FAT3: variants seen among roughly 807,000 people sequenced by gnomAD.
FAT3 encodes the protein protocadherin Fat 3.
In FAT3, 95 loss-of-function variants were observed where a neutral mutation model predicts 310.2. That is an observed-to-expected ratio of 0.31 (90% CI 0.26 to 0.36). FAT3 has a LOEUF of 0.36. FAT3 is among the 10% of genes least tolerant of loss of function. The pLI, the probability that FAT3 is intolerant of heterozygous loss-of-function variation, is 1.00. For synonymous variants in FAT3, 2,314 were observed against 2,192.9 expected, an observed-to-expected ratio of 1.06 and a Z score of -1.54; for missense variants, 5,408 against 5,715.6, an observed-to-expected ratio of 0.95 and a Z score of 1.74.
intron 3 of FAT3, among the ~76,000 whole-genome samples, chr11:92,608,468 G>C (rs1169554118): frequency 6.6e-6 from 1 of 151,996 alleles, no homozygotes; most frequent in African/African-American, 2.4e-5. Flanking sequence ...GGAAAAACCT[G>C]CTTGGGTGTG....
intron 3 of FAT3, among the ~76,000 whole-genome samples, chr11:92,679,841 CAAAA>C (rs71064721): frequency 1.7e-5 from 1 of 57,250 alleles, no homozygotes; most frequent in Non-Finnish European, 3.3e-5. Context: ...GACTCCATCT[CAAAA>C]AAAAAAAAAA....
chr11:92,798,013 C>T lies in FAT3; in HGVS notation c.5000C>T (p.Ser1667Phe). Residue 1667 changes from serine (S) to phenylalanine (F), a missense_variant, in exon 10 of 28, where the codon TCT becomes TTT. Around this residue, in one of 5 missense-constraint regions of FAT3, gnomAD observed 4,588 missense variants for 4,809.8 expected, o/e 0.95. Coordinates refer to ENST00000525166, the MANE Select transcript of FAT3 (RefSeq NM_001367949.2). ...ATTTCCGTCACCATGTCTGACAATT[C>T]TCACCCCAAGTTCATTCACAAAGAC... The part of the protein sequence containing the change: ...VRISVTMSDN[S>F]HPKFIHKDYQ... The T allele has an allele frequency of 6.2e-7, 1 of 1,613,878 alleles. No individual in the cohort carries two copies. The highest frequency in any genetic ancestry group is 8.5e-7 in the Non-Finnish European group (1 of 1,179,850).
chr11:92,768,419 T>C (rs1946375180), intron 6 of FAT3, among the ~76,000 whole-genome samples: 1 of 152,250 alleles, frequency 6.6e-6, no homozygotes, highest in South Asian at 2.1e-4. Context: ...TGCTGGTTAC[T>C]TCAGTATTGA....
chr11:92,346,615 C>T (rs1219167225), intron 1 of FAT3, among the ~76,000 whole-genome samples: 4 of 152,054 alleles, frequency 2.6e-5, no homozygotes, highest in African/African-American at 9.7e-5. Context: ...AGTTAATATT[C>T]ACGGAATATT....
chr11:92,492,516 A>AT (rs1303226230), intron 2 of FAT3, among the ~76,000 whole-genome samples: 1 of 152,142 alleles, frequency 6.6e-6, no homozygotes, highest in Non-Finnish European at 1.5e-5. Context: ...GATTTGCTAA[A>AT]TAAATGGTAG....
At chr11:92,368,038 A>T (rs1949073274) in intron 2 of FAT3, among the ~76,000 whole-genome samples, 1 of 152,226 alleles carries the variant, frequency 6.6e-6, no homozygotes, top group African/African-American at 2.4e-5. Context: ...TTTGAAAGTC[A>T]ACAAATATGA....
At chr11:92,304,093 T>A (rs1052836560) in intron 1 of FAT3, among the ~76,000 whole-genome samples, 14 of 152,132 alleles carry the variant, frequency 9.2e-5, no homozygotes, top group African/African-American at 3.4e-4. Flanking sequence ...ATTACAAGAC[T>A]TTTTCCCTCT....
At chr11:92,837,036 C>T (rs773313038) in intron 16 of FAT3, among the ~76,000 whole-genome samples, 3 of 151,990 alleles carry the variant, frequency 2.0e-5, no homozygotes, top group Non-Finnish European at 4.4e-5. Context: ...CAACTTTAGC[C>T]CTCGGTGAGC....
chr11:92,614,636 A>G (rs927439980), intron 3 of FAT3, among the ~76,000 whole-genome samples: 11 of 152,230 alleles, frequency 7.2e-5, no homozygotes, highest in African/African-American at 2.6e-4. Flanking sequence ...ATGATTTCCA[A>G]ATTATTTCTC....
At chr11:92,724,372 T>A (rs1944940450) in intron 4 of FAT3, among the ~76,000 whole-genome samples, 1 of 152,200 alleles carries the variant, frequency 6.6e-6, no homozygotes, top group Admixed American at 6.5e-5. Flanking sequence ...ACCATGTCAC[T>A]TAGACTGTAT....
intron 4 of FAT3, among the ~76,000 whole-genome samples, chr11:92,717,488 T>A (rs1420363594): frequency 2.0e-5 from 3 of 152,204 alleles, no homozygotes; most frequent in Non-Finnish European, 4.4e-5. Flanking sequence ...AATTATGTTA[T>A]TAAACTGTCA....
At chr11:92,426,034 C>T (rs1163473994) in intron 2 of FAT3, among the ~76,000 whole-genome samples, 1 of 152,214 alleles carries the variant, frequency 6.6e-6, no homozygotes, top group Admixed American at 6.5e-5. Context: ...TCCACATCCT[C>T]TCCAGCATCT....
At chr11:92,533,674 C>T (rs547975765) in intron 3 of FAT3, among the ~76,000 whole-genome samples, 41 of 152,252 alleles carry the variant, frequency 2.7e-4, no homozygotes, top group Non-Finnish European at 5.3e-4. Context: ...TGGCTGGGAC[C>T]TTCCCCAACG....
rs564482730 is a variant in FAT3 at position 92,595,508 on chromosome 11, T to C, written c.3607+70560T>C. Among the ~76,000 whole-genome samples, 23 of 152,320 alleles carry C rather than the reference T, an allele frequency of 1.5e-4. No homozygotes were observed. In the South Asian group the frequency reaches 2.1e-3, roughly 14 times the overall value. On this transcript the variant is annotated intron_variant, in intron 3 of 27. Transcript: ENST00000525166. Reference sequence around the variant, plus strand: ...AAATTGCTTTTCTTCCCGAACATTATGGTAGTACTTCCTGGCCCAGGATTT... The same window carrying C: ...AAATTGCTTTTCTTCCCGAACATTACGGTAGTACTTCCTGGCCCAGGATTT...
At chr11:92,665,359 T>C (rs1942917948) in intron 3 of FAT3, among the ~76,000 whole-genome samples, 2 of 152,188 alleles carry the variant, frequency 1.3e-5, no homozygotes, top group Admixed American at 6.5e-5. Context: ...TAACAGATTT[T>C]TGAAAATTTA....
chr11:92,261,602 A>G (rs1280248202), intron 1 of FAT3, among the ~76,000 whole-genome samples: 1 of 152,170 alleles, frequency 6.6e-6, no homozygotes, highest in Non-Finnish European at 1.5e-5. Context: ...AGAGTAGCAC[A>G]ACAAAATTAC....
At position 92,328,173 on chromosome 11, in the gene FAT3, A is replaced by G. The variant is rs954782293; in HGVS notation, c.-17-23923A>G. Among the ~76,000 whole-genome samples, 14 of 151,416 alleles carry G rather than the reference A, an allele frequency of 9.2e-5. 1 individual carries two copies. The highest frequency in any genetic ancestry group is 3.4e-3 in the Middle Eastern group (1 of 294). ...TGCTTTTGACTCCCATACCTTACCCACTCTTGCCCTCCTGCTTCCAAATGC... is the reference window on the plus strand; with the variant it reads ...TGCTTTTGACTCCCATACCTTACCCGCTCTTGCCCTCCTGCTTCCAAATGC... On this transcript the variant is annotated intron_variant, in intron 1 of 27. Coordinates refer to ENST00000525166, the MANE Select transcript of FAT3 (RefSeq NM_001367949.2).
chr11:92,754,434 G>T (rs1945924837), intron 4 of FAT3, among the ~76,000 whole-genome samples: 1 of 151,436 alleles, frequency 6.6e-6, no homozygotes, highest in African/African-American at 2.4e-5. Context: ...GACCATCCTG[G>T]CTAACACAGT....
intron 3 of FAT3, among the ~76,000 whole-genome samples, chr11:92,689,917 A>G (rs922605679): frequency 2.0e-5 from 3 of 152,124 alleles, no homozygotes; most frequent in Non-Finnish European, 2.9e-5. Flanking sequence ...CTTGACCCAA[A>G]TGCTTCTAAT....
Sources: gnomAD v4.1 joint callset for allele counts (sites outside exome capture counted in the v4.1 genomes callset) on GRCh38, gnomAD v4.1.1 for gene constraint, gnomAD v4.1.1 regional missense constraint, MANE v1.5 for transcripts, NCBI Gene and HGNC (gene_info 2026-07-23, HGNC 2026-07-21) for gene names.